DNAH5: variants seen among roughly 807,000 people sequenced by gnomAD.
DNAH5 encodes axonemal beta dynein heavy chain 5.
In DNAH5, 372 loss-of-function variants were observed where a neutral mutation model predicts 518.2. The observed-to-expected ratio is 0.72, with a 90% CI of 0.66 to 0.78. DNAH5 has a LOEUF of 0.78. Among genes scored for constraint, DNAH5 ranks in the 30% least tolerant of loss-of-function variants. The pLI is 0.00. For synonymous variants in DNAH5, 2,039 were observed against 2,025.9 expected (o/e 1.01, Z -0.17); for missense variants, 5,523 against 5,687.0 (o/e 0.97, Z 0.93).
At position 13,776,726 on chromosome 5, in the gene DNAH5, A is replaced by G; in HGVS notation, c.9106-20T>C. ...AGAGACCTTAAAAAGAAGTACAGGCATGCAAATTCAGTACACACATAGGAA... is the reference window on the plus strand; with the variant it reads ...AGAGACCTTAAAAAGAAGTACAGGCGTGCAAATTCAGTACACACATAGGAA... On this transcript the variant is annotated intron_variant, in intron 54 of 78. Coordinates refer to ENST00000265104, the MANE Select transcript of DNAH5 (RefSeq NM_001369.3). 2 of 1,613,100 alleles carry G rather than the reference A, an allele frequency of 1.2e-6. No homozygotes were observed. The highest frequency in any genetic ancestry group is 2.2e-5 in the East Asian group (1 of 44,864).
At chr5:13,738,389 G>A (rs1747895866) in intron 65 of DNAH5, among the ~76,000 whole-genome samples, 2 of 152,106 alleles carry the variant, frequency 1.3e-5, no homozygotes, top group Non-Finnish European at 2.9e-5. Flanking sequence ...CTTGCTAATT[G>A]AAAAAGTATC....
chr5:13,781,408 A>C (rs769812504), intron 52 of DNAH5, among the ~76,000 whole-genome samples: 3 of 152,260 alleles, frequency 2.0e-5, no homozygotes, highest in Non-Finnish European at 4.4e-5. Flanking sequence ...AAAGTGTTCA[A>C]ATTTAAATTG....
At chr5:13,725,553 A>G (rs1745604041) in intron 70 of DNAH5, among the ~76,000 whole-genome samples, 1 of 152,260 alleles carries the variant, frequency 6.6e-6, no homozygotes, top group South Asian at 2.1e-4. Flanking sequence ...ACAGCTCTGC[A>G]GAACTTGTTC....
chr5:13,873,511 A>C (rs527622800), intron 22 of DNAH5, among the ~76,000 whole-genome samples: 1 of 152,248 alleles, frequency 6.6e-6, no homozygotes, highest in African/African-American at 2.4e-5. Context: ...TATTCTATGA[A>C]AAATTCATAT....
At chr5:13,708,986 T>C (rs1331925988) in intron 75 of DNAH5, among the ~76,000 whole-genome samples, 3 of 152,242 alleles carry the variant, frequency 2.0e-5, no homozygotes, top group African/African-American at 7.2e-5. Context: ...GACATTTTTA[T>C]CACTTCCTAA....
intron 31 of DNAH5, among the ~76,000 whole-genome samples, chr5:13,846,893 CTA>C (rs1190398749): frequency 6.6e-6 from 1 of 152,060 alleles, no homozygotes; most frequent in East Asian, 1.9e-4. Context: ...AGCTAAAAAA[CTA>C]AACTTTTCTC....
At chr5:13,795,260 A>T (rs1033314781) in intron 47 of DNAH5, among the ~76,000 whole-genome samples, 1 of 152,192 alleles carries the variant, frequency 6.6e-6, no homozygotes, top group African/African-American at 2.4e-5. Context: ...TGAATCTAGG[A>T]GCTGGTTTTT....
exon 1 of DNAH5, among the ~76,000 whole-genome samples, chr5:14,011,668 G>T (rs1486913104): frequency 6.6e-6 from 1 of 152,108 alleles, no homozygotes; most frequent in East Asian, 1.9e-4. Context: ...ATGGCGCTGT[G>T]CTGCGGCGCT....
At chr5:13,838,407 A>G (rs1043017450) in intron 35 of DNAH5, among the ~76,000 whole-genome samples, 1 of 152,116 alleles carries the variant, frequency 6.6e-6, no homozygotes, top group Non-Finnish European at 1.5e-5. Context: ...CATGGCTCAC[A>G]TAACCGCCTG....
In DNAH5 at chr5:13,853,689, G is replaced by T. The variant is rs147767584; in HGVS notation, c.4951-2874C>A. On this transcript the variant is annotated intron_variant, in intron 30 of 78. Coordinates refer to ENST00000265104, the MANE Select transcript of DNAH5 (RefSeq NM_001369.3). ...AGAGAAGAACATAAATGACCTGATG[G>T]AACTGAAAAACACAGCACAAGAATT... Among the ~76,000 whole-genome samples, 32 of 151,874 alleles carry T rather than the reference G, an allele frequency of 2.1e-4. No individual in the cohort carries two copies. The East Asian group carries it at 6.2e-3, about 30-fold the overall frequency.
chr5:13,727,103 A>C (rs11133760), intron 70 of DNAH5, among the ~76,000 whole-genome samples: 91,238 of 152,092 alleles, frequency 0.6, 27,456 homozygotes, highest in East Asian at 0.62. Flanking sequence ...CCCCCACTCT[A>C]TTCACCCTAA....
At chr5:13,995,504 T>C (rs1783875564) in intron 1 of DNAH5, among the ~76,000 whole-genome samples, 2 of 152,122 alleles carry the variant, frequency 1.3e-5, no homozygotes, top group Non-Finnish European at 2.9e-5. Context: ...GAAGGGTCCA[T>C]ATTAAGAAAG....
intron 76 of DNAH5, 28 bp from the exon 77 acceptor site, chr5:13,701,464 T>C (rs764668881): frequency 3.8e-5 from 61 of 1,591,252 alleles, no homozygotes; most frequent in Middle Eastern, 3.3e-4. Flanking sequence ...AAACAATTAA[T>C]TGATGTAAGT....
chr5:13,960,261 G>A (rs184253365), intron 1 of DNAH5, among the ~76,000 whole-genome samples: 1 of 152,296 alleles, frequency 6.6e-6, no homozygotes, highest in African/African-American at 2.4e-5. Context: ...GAGGTGGACC[G>A]TACTGTGTTA....
Position 13,829,712 on chromosome 5 carries a change from G to GA in DNAH5, c.6250-9dup, listed in dbSNP as rs746656697. Reference sequence around the variant, plus strand: ...TCCGGCATAGCCAGGATTCTAAACAGAAAATAAAGCCCAAGGATGAATGAT... The same window carrying GA: ...TCCGGCATAGCCAGGATTCTAAACAGAAAAATAAAGCCCAAGGATGAATGAT... On this transcript the variant is annotated splice_polypyrimidine_tract_variant and intron_variant, in intron 37 of 78. Coordinates refer to ENST00000265104, the MANE Select transcript of DNAH5 (RefSeq NM_001369.3). 1.2e-6 allele frequency: 2 copies of GA among 1,613,188 alleles called. No homozygotes were observed. The highest frequency in any genetic ancestry group is 1.7e-6 in the Non-Finnish European group (2 of 1,179,206).
intron 47 of DNAH5, among the ~76,000 whole-genome samples, chr5:13,798,301 C>T (rs758195473): frequency 4.6e-5 from 7 of 152,124 alleles, no homozygotes; most frequent in South Asian, 4.1e-4. Context: ...GGTGTTCTCA[C>T]GTCCATGGTA....
chr5:13,931,391 T>G, intron 1 of DNAH5, 147 bp from the exon 2 acceptor site: 1 of 779,074 alleles, frequency 1.3e-6, no homozygotes, highest in South Asian at 1.8e-5. Context: ...ATGTACTATC[T>G]TCTATTTTTA....
intron 29 of DNAH5, chr5:13,860,513 C>T (rs904570009): frequency 6.6e-6 from 1 of 152,154 alleles, no homozygotes; most frequent in Non-Finnish European, 1.5e-5. Context: ...TTCAGTGTAT[C>T]TGGTACGTTG....
At chr5:13,893,328 A>G (rs917123122) in intron 16 of DNAH5, among the ~76,000 whole-genome samples, 7 of 152,160 alleles carry the variant, frequency 4.6e-5, no homozygotes, top group Admixed American at 2.0e-4. Context: ...ATCCAGAAAT[A>G]AGGTAATGGG....
Sources: allele counts gnomAD v4.1 joint callset (sites outside exome capture counted in the v4.1 genomes callset), GRCh38; gene constraint gnomAD v4.1.1; transcripts MANE v1.5; gene names NCBI Gene and HGNC (gene_info 2026-07-23, HGNC 2026-07-21).